DTWD2: variants seen among roughly 807,000 people sequenced by gnomAD.
The protein encoded by DTWD2 is tRNA-uridine aminocarboxypropyltransferase 2.
In DTWD2, 39 loss-of-function variants were observed where a neutral mutation model predicts 31.8. That is an observed-to-expected ratio of 1.22 (90% CI 0.95 to 1.60). The LOEUF is 1.60. Among genes scored for constraint, DTWD2 ranks in the 40% most tolerant of loss-of-function variants. DTWD2 has a pLI of 0.00. For missense variants in DTWD2, 515 were observed against 381.5 expected, an observed-to-expected ratio of 1.35 and a Z score of -2.92; for synonymous variants, 180 against 142.8, an observed-to-expected ratio of 1.26 and a Z score of -1.86.
chr5:118,975,447 A>G (rs1755130770), intron 1 of DTWD2, among the ~76,000 whole-genome samples: 1 of 152,096 alleles, frequency 6.6e-6, no homozygotes, highest in African/African-American at 2.4e-5. Context: ...CAAGGTTCTT[A>G]GCTTCCTTAC....
chr5:118,875,389 A>G (rs1752597510), intron 4 of DTWD2, among the ~76,000 whole-genome samples: 1 of 152,168 alleles, frequency 6.6e-6, no homozygotes, highest in South Asian at 2.1e-4. Flanking sequence ...AAATGCCCCA[A>G]TAAAAAGACA....
intron 1 of DTWD2, among the ~76,000 whole-genome samples, chr5:118,969,783 T>C (rs1754941096): frequency 6.6e-6 from 1 of 152,048 alleles, no homozygotes; most frequent in African/African-American, 2.4e-5. Context: ...TGACTCCAGA[T>C]GACTGCAACA....
At chr5:118,972,022 A>G (rs1426343493) in intron 1 of DTWD2, among the ~76,000 whole-genome samples, 1 of 152,218 alleles carries the variant, frequency 6.6e-6, no homozygotes, top group Non-Finnish European at 1.5e-5. Context: ...AAAAGCTAGT[A>G]AGATCTCAAA....
intron 1 of DTWD2, among the ~76,000 whole-genome samples, chr5:118,973,607 G>T (rs372608694): frequency 5.1e-5 from 1 of 19,692 alleles, no homozygotes; most frequent in Non-Finnish European, 1.1e-4. Context: ...TTCCTCGTCC[G>T]CCTCCTTGCT....
At chr5:118,975,971 G>A (rs1755147380) in intron 1 of DTWD2, among the ~76,000 whole-genome samples, 1 of 152,134 alleles carries the variant, frequency 6.6e-6, no homozygotes, top group Non-Finnish European at 1.5e-5. Flanking sequence ...AAATGCAAAA[G>A]AATGGAAATC....
intron 1 of DTWD2, among the ~76,000 whole-genome samples, chr5:118,963,042 C>A (rs1199559774): frequency 6.6e-6 from 1 of 152,114 alleles, no homozygotes; most frequent in Non-Finnish European, 1.5e-5. Context: ...ACGTGAGGGT[C>A]TAAAGAGGAT....
intron 5 of DTWD2, among the ~76,000 whole-genome samples, chr5:118,844,349 A>G (rs908820621): frequency 3.9e-5 from 6 of 152,202 alleles, no homozygotes; most frequent in Non-Finnish European, 8.8e-5. Flanking sequence ...AAGGTTCTGT[A>G]ATAAAAAAGA....
intron 5 of DTWD2, among the ~76,000 whole-genome samples, chr5:118,846,236 A>G (rs1347269190): frequency 6.6e-6 from 1 of 152,152 alleles, no homozygotes; most frequent in East Asian, 1.9e-4. Context: ...AATGTACAAA[A>G]TAATATAAAA....
At chr5:118,906,002 G>A (rs1193482223) in intron 4 of DTWD2, among the ~76,000 whole-genome samples, 6 of 152,040 alleles carry the variant, frequency 3.9e-5, no homozygotes, top group Non-Finnish European at 8.8e-5. Flanking sequence ...ACAACTCTCA[G>A]GCTCGTTAAC....
At chr5:118,888,072 A>C (rs1237500348) in intron 4 of DTWD2, among the ~76,000 whole-genome samples, 3 of 16,116 alleles carry the variant, frequency 1.9e-4, no homozygotes, top group African/African-American at 8.2e-4. Context: ...CATCTGTTCC[A>C]TTTATGTTTT....
At chr5:118,858,987 T>TAC (rs1448719917) in intron 4 of DTWD2, among the ~76,000 whole-genome samples, 1 of 152,180 alleles carries the variant, frequency 6.6e-6, no homozygotes, top group East Asian at 1.9e-4. Flanking sequence ...CATTATGAAG[T>TAC]ACATAATGTC....
intron 1 of DTWD2, among the ~76,000 whole-genome samples, chr5:118,968,387 T>C (rs1293821144): frequency 2.6e-5 from 4 of 152,160 alleles, no homozygotes. Context: ...TCAGTGGCTA[T>C]CACAGAGAAG....
chr5:118,941,609 T>C (rs1754203460), intron 2 of DTWD2, among the ~76,000 whole-genome samples: 1 of 152,218 alleles, frequency 6.6e-6, no homozygotes, highest in Non-Finnish European at 1.5e-5. Flanking sequence ...TCCAAGTCTT[T>C]GCTATTGTGA....
At chr5:118,844,407 G>T (rs1310481186) in intron 5 of DTWD2, among the ~76,000 whole-genome samples, 1 of 152,190 alleles carries the variant, frequency 6.6e-6, no homozygotes, top group Non-Finnish European at 1.5e-5. Context: ...GGTAAATACT[G>T]TAGTAGCTAA....
intron 3 of DTWD2, among the ~76,000 whole-genome samples, chr5:118,938,356 A>G (rs1754091168): frequency 6.6e-6 from 1 of 152,204 alleles, no homozygotes; most frequent in South Asian, 2.1e-4. Context: ...GTTACTGGAT[A>G]TGGGGTTAAT....
intron 4 of DTWD2, among the ~76,000 whole-genome samples, chr5:118,890,012 G>A (rs1005899294): frequency 1.3e-5 from 2 of 152,158 alleles, no homozygotes; most frequent in South Asian, 2.1e-4. Flanking sequence ...GAAAGTAAAT[G>A]TCATTATATA....
intron 4 of DTWD2, among the ~76,000 whole-genome samples, chr5:118,883,462 A>G (rs894911095): frequency 2.6e-5 from 4 of 152,224 alleles, no homozygotes; most frequent in African/African-American, 9.6e-5. Context: ...CCACTCTGCC[A>G]GTACCAATTT....
At chr5:118,958,004 A>G (rs1351343830) in intron 1 of DTWD2, among the ~76,000 whole-genome samples, 1 of 152,186 alleles carries the variant, frequency 6.6e-6, no homozygotes, top group African/African-American at 2.4e-5. Flanking sequence ...AAATAAGCCT[A>G]TCTATTAAAA....
At position 118,861,365 on chromosome 5, in the gene DTWD2, C is replaced by T. The variant is rs1038559495; in HGVS notation, c.598-13147G>A. On this transcript the variant is annotated intron_variant, in intron 4 of 5. Coordinates refer to ENST00000510708, the MANE Select transcript of DTWD2 (RefSeq NM_173666.4). Reference sequence around the variant, plus strand: ...TTTCATTCTTGGGGCTTCATCTACCCATTTCAACAGTGCTGAAAGCAGGTA... The same window carrying T: ...TTTCATTCTTGGGGCTTCATCTACCTATTTCAACAGTGCTGAAAGCAGGTA... Among the ~76,000 whole-genome samples, 96 of 152,202 alleles carry T rather than the reference C, an allele frequency of 6.3e-4. 8 individuals carry two copies. The highest frequency in any genetic ancestry group is 1.5e-5 in the Non-Finnish European group (1 of 68,032).
Sources: allele counts gnomAD v4.1 joint callset (sites outside exome capture counted in the v4.1 genomes callset), GRCh38; gene constraint gnomAD v4.1.1; transcripts MANE v1.5; gene names NCBI Gene and HGNC (gene_info 2026-07-23, HGNC 2026-07-21).